CDH18: variants seen among roughly 807,000 people sequenced by gnomAD.
The protein encoded by CDH18 is cadherin-18.
Under a neutral mutation model 67.9 loss-of-function variants are expected in CDH18, and 31 were observed. That is an observed-to-expected ratio of 0.46 (90% CI 0.34 to 0.62). The LOEUF (loss-of-function observed/expected upper bound fraction) is 0.62. Ranked by LOEUF, CDH18 falls within the 20% of genes least tolerant of loss-of-function variation. The pLI is 0.01. For missense variants in CDH18, 890 were observed against 975.5 expected (o/e 0.91, Z 1.17); for synonymous variants, 362 against 347.2 (o/e 1.04, Z -0.48).
intron 2 of CDH18, among the ~76,000 whole-genome samples, chr5:20,159,286 T>G (rs1175009746): frequency 6.6e-6 from 1 of 152,136 alleles, no homozygotes; most frequent in Admixed American, 6.6e-5. Context: ...TAATGCGTCT[T>G]TTAAAGTTTG....
intron 10 of CDH18, among the ~76,000 whole-genome samples, chr5:19,512,127 A>G (rs946974990): frequency 3.3e-5 from 5 of 152,194 alleles, no homozygotes; most frequent in African/African-American, 9.6e-5. Context: ...AATTAAGCCA[A>G]GAGCAAGGGC....
chr5:20,470,493 A>G (rs1336631909), intron 1 of CDH18, among the ~76,000 whole-genome samples: 1 of 152,020 alleles, frequency 6.6e-6, no homozygotes, highest in African/African-American at 2.4e-5. Context: ...CTGTTTTTTG[A>G]AATGTGCAGC....
intron 1 of CDH18, among the ~76,000 whole-genome samples, chr5:20,362,603 G>T (rs929421594): frequency 6.6e-6 from 1 of 152,150 alleles, no homozygotes; most frequent in Non-Finnish European, 1.5e-5. Flanking sequence ...AGTAAAGGAA[G>T]TAGATGTCAG....
At chr5:19,618,748 T>G (rs1382037100) in intron 5 of CDH18, among the ~76,000 whole-genome samples, 1 of 152,190 alleles carries the variant, frequency 6.6e-6, no homozygotes, top group Non-Finnish European at 1.5e-5. Context: ...CCAGAGATTC[T>G]TGTGAATGTA....
chr5:20,147,312 A>T (rs949719456), intron 2 of CDH18, among the ~76,000 whole-genome samples: 1 of 152,172 alleles, frequency 6.6e-6, no homozygotes, highest in Non-Finnish European at 1.5e-5. Flanking sequence ...AACAAATATA[A>T]GAAATGTTTA....
At chr5:20,348,316 A>G (rs6897700) in intron 1 of CDH18, among the ~76,000 whole-genome samples, 22,319 of 152,140 alleles carry the variant, frequency 0.15, 3,136 homozygotes, top group East Asian at 0.45. Flanking sequence ...ACATGTAGGC[A>G]AATCTGTCTT....
At chr5:20,495,372 C>T (rs900872896) in intron 1 of CDH18, among the ~76,000 whole-genome samples, 2 of 152,066 alleles carry the variant, frequency 1.3e-5, no homozygotes, top group South Asian at 2.1e-4. Flanking sequence ...TAAAGGAGAA[C>T]GGCATTGGCA....
chr5:20,395,939 C>T (rs557768347), intron 1 of CDH18, among the ~76,000 whole-genome samples: 1 of 152,286 alleles, frequency 6.6e-6, no homozygotes, highest in Admixed American at 6.5e-5. Context: ...CATGGAAGCA[C>T]TGTGCTCATC....
chr5:19,896,709 T>G (rs1191630803), intron 2 of CDH18, among the ~76,000 whole-genome samples: 9 of 152,220 alleles, frequency 5.9e-5, no homozygotes, highest in Non-Finnish European at 1.5e-5. Context: ...TTACTATATG[T>G]GTGATAATAT....
At chr5:20,344,146 G>C (rs1740510082) in intron 1 of CDH18, among the ~76,000 whole-genome samples, 1 of 152,022 alleles carries the variant, frequency 6.6e-6, no homozygotes, top group African/African-American at 2.4e-5. Flanking sequence ...TCCAGCCAAT[G>C]GAAAGTTCTT....
intron 3 of CDH18, among the ~76,000 whole-genome samples, chr5:19,781,812 T>A (rs1304431761): frequency 6.6e-6 from 1 of 152,130 alleles, no homozygotes; most frequent in African/African-American, 2.4e-5. Context: ...TTGTCTTGAA[T>A]GAAAAGTGAG....
rs576906643 is a variant in CDH18, at chr5:19,574,685, T to C, written c.1000-2853A>G. On this transcript the variant is annotated intron_variant, in intron 7 of 12. Transcript: ENST00000382275. ...TGGGAAAACTACTCAAGTACCCATCTTCCACACCTTTTAAATAGTTGAGTA... is the reference window on the plus strand; with the variant it reads ...TGGGAAAACTACTCAAGTACCCATCCTCCACACCTTTTAAATAGTTGAGTA... Among the ~76,000 whole-genome samples, 152 of 152,252 alleles carry C rather than the reference T, an allele frequency of 1.0e-3. 1 individual carries two copies. In the South Asian group the frequency reaches 0.031, roughly 31 times the overall value.
chr5:20,328,108 T>C (rs898965715), intron 1 of CDH18, among the ~76,000 whole-genome samples: 3 of 151,780 alleles, frequency 2.0e-5, no homozygotes, highest in African/African-American at 7.3e-5. Flanking sequence ...GGAGGCATAA[T>C]GAGGGAGGAA....
chr5:19,914,151 G>A (rs1436225808), intron 2 of CDH18, among the ~76,000 whole-genome samples: 2 of 152,022 alleles, frequency 1.3e-5, no homozygotes, highest in African/African-American at 4.8e-5. Flanking sequence ...GGGGGAAAAT[G>A]GTGTTCTAGG....
chr5:20,231,337 C>A (rs1472594385), intron 2 of CDH18, among the ~76,000 whole-genome samples: 1 of 152,060 alleles, frequency 6.6e-6, no homozygotes, highest in Non-Finnish European at 1.5e-5. Flanking sequence ...CGGCCGGGCA[C>A]ATTGGCTCGT....
intron 1 of CDH18, among the ~76,000 whole-genome samples, chr5:20,338,871 A>C (rs912298045): frequency 2.6e-5 from 4 of 152,168 alleles, no homozygotes; most frequent in African/African-American, 4.8e-5. Flanking sequence ...CTAGGCTAGG[A>C]AGGCAAAGAC....
rs2126308461 is a variant in CDH18 at position 20,481,262 on chromosome 5, C to A, written c.-580+94200G>T. 2.0e-5 allele frequency among the ~76,000 whole-genome samples: 3 copies of A among 150,288 alleles called. No homozygotes were observed. The Middle Eastern group carries it at 0.01, about 518-fold the overall frequency. On this transcript the variant is annotated intron_variant, in intron 1 of 14. Coordinates refer to the CDH18 transcript ENST00000507958. The stretch of plus-strand genomic sequence containing the variant: ...CAGATCATTATATTATGATAAAGAG[C>A]TCAATTCAGCAAAAGGACATAGGAA...
At chr5:19,908,642 A>G (rs1002610489) in intron 2 of CDH18, among the ~76,000 whole-genome samples, 1 of 152,194 alleles carries the variant, frequency 6.6e-6, no homozygotes, top group African/African-American at 2.4e-5. Context: ...TTCCTTATAC[A>G]GTATATTATC....
chr5:19,837,501 A>G (rs2150019797), intron 3 of CDH18, among the ~76,000 whole-genome samples: 1 of 152,270 alleles, frequency 6.6e-6, no homozygotes, highest in South Asian at 2.1e-4. Context: ...CATTTTTAAA[A>G]ATTTATTTTA....
Sources: gnomAD v4.1 joint callset for allele counts (sites outside exome capture counted in the v4.1 genomes callset) on GRCh38, gnomAD v4.1.1 for gene constraint, MANE v1.5 for transcripts, NCBI Gene and HGNC (gene_info 2026-07-23, HGNC 2026-07-21) for gene names.